The following AUTS2 variants were observed in gnomAD, a reference collection of about 807,000 sequenced individuals.
AUTS2 encodes the protein autism susceptibility gene 2 protein.
A neutral mutation model predicts 112.4 loss-of-function variants in AUTS2; 17 were observed. That is an observed-to-expected ratio of 0.15 (90% CI 0.10 to 0.23). AUTS2 has a LOEUF of 0.23. AUTS2 is among the 10% of genes least tolerant of loss of function. AUTS2 has a pLI of 1.00. For missense variants in AUTS2, 1,510 were observed against 1,701.6 expected (o/e 0.89, Z 1.98); for synonymous variants, 751 against 702.7 (o/e 1.07, Z -1.09).
chr7:70,457,725 T>C (rs757752285), intron 5 of AUTS2, among the ~76,000 whole-genome samples: 2 of 152,174 alleles, frequency 1.3e-5, no homozygotes, highest in Non-Finnish European at 2.9e-5. Context: ...ATGTGTCCCA[T>C]ACAGAGCCGC....
At chr7:70,589,511 T>G (rs935257451) in intron 5 of AUTS2, among the ~76,000 whole-genome samples, 1 of 152,204 alleles carries the variant, frequency 6.6e-6, no homozygotes. Context: ...GTCAGGAGTT[T>G]GAGACCAGCC....
intron 1 of AUTS2, among the ~76,000 whole-genome samples, chr7:69,674,712 C>T (rs1796480178): frequency 6.6e-6 from 1 of 152,090 alleles, no homozygotes; most frequent in South Asian, 2.1e-4. Context: ...CCGTGGCAGG[C>T]ATAATGAAAT....
intron 1 of AUTS2, among the ~76,000 whole-genome samples, chr7:69,601,662 T>C (rs1315070840): frequency 6.6e-6 from 1 of 152,154 alleles, no homozygotes; most frequent in Non-Finnish European, 1.5e-5. Flanking sequence ...TCTCTGGTTC[T>C]AGAATTGGTG....
intron 5 of AUTS2, among the ~76,000 whole-genome samples, chr7:70,592,045 T>C (rs545247879): frequency 2.0e-5 from 3 of 152,364 alleles, no homozygotes; most frequent in Middle Eastern, 3.4e-3. Context: ...AATAGTAGTC[T>C]ATAAAATTAG....
At chr7:69,690,007 A>G (rs1797256210) in intron 1 of AUTS2, among the ~76,000 whole-genome samples, 1 of 152,072 alleles carries the variant, frequency 6.6e-6, no homozygotes, top group Non-Finnish European at 1.5e-5. Flanking sequence ...CCTTACTTCT[A>G]TTTAAAACAA....
At chr7:69,868,687 A>G (rs1201768364) in intron 1 of AUTS2, among the ~76,000 whole-genome samples, 1 of 152,198 alleles carries the variant, frequency 6.6e-6, no homozygotes, top group African/African-American at 2.4e-5. Context: ...TCTATGAGAG[A>G]ACAGTGATGA....
At chr7:69,995,323 T>C (rs956282777) in intron 2 of AUTS2, among the ~76,000 whole-genome samples, 2 of 152,228 alleles carry the variant, frequency 1.3e-5, no homozygotes, top group African/African-American at 4.8e-5. Flanking sequence ...ATGTCATGAA[T>C]GAATAATAAT....
At chr7:70,011,519 A>T (rs1799807070) in intron 2 of AUTS2, among the ~76,000 whole-genome samples, 1 of 152,208 alleles carries the variant, frequency 6.6e-6, no homozygotes, top group African/African-American at 2.4e-5. Flanking sequence ...CAGAATTACT[A>T]CATGCCAAAT....
At chr7:70,416,739 G>A (rs919304628) in intron 4 of AUTS2, among the ~76,000 whole-genome samples, 12 of 152,132 alleles carry the variant, frequency 7.9e-5, no homozygotes, top group East Asian at 1.9e-4. Flanking sequence ...CTGCGGTCAC[G>A]GTCCACTCCC....
chr7:70,456,923 AG>A (rs1035717482), intron 5 of AUTS2, among the ~76,000 whole-genome samples: 2 of 152,216 alleles, frequency 1.3e-5, no homozygotes, highest in African/African-American at 2.4e-5. Flanking sequence ...GACTTCCTGC[AG>A]TTTGACTTTG....
chr7:70,634,937 G>T (rs1039273874), intron 5 of AUTS2, among the ~76,000 whole-genome samples: 8 of 152,124 alleles, frequency 5.3e-5, no homozygotes, highest in African/African-American at 1.7e-4. Flanking sequence ...ATGGTCCTTG[G>T]TTGCTGGTCT....
chr7:70,180,644 T>C (rs1014107047), intron 4 of AUTS2, among the ~76,000 whole-genome samples: 2 of 152,198 alleles, frequency 1.3e-5, no homozygotes, highest in African/African-American at 4.8e-5. Flanking sequence ...CGCTATTCCT[T>C]GGCTCCTCTT....
At chr7:70,445,496 G>A (rs1453447216) in intron 5 of AUTS2, among the ~76,000 whole-genome samples, 2 of 152,096 alleles carry the variant, frequency 1.3e-5, no homozygotes, top group East Asian at 3.9e-4. Context: ...AACATGGAAC[G>A]AATAAAATTT....
intron 4 of AUTS2, among the ~76,000 whole-genome samples, chr7:70,141,851 T>TGAG (rs1287307266): frequency 6.6e-6 from 1 of 152,142 alleles, no homozygotes; most frequent in African/African-American, 2.4e-5. Flanking sequence ...TAAACTGTGG[T>TGAG]GAGAGACATT....
chr7:69,771,886 G>A (rs994259486), intron 1 of AUTS2, among the ~76,000 whole-genome samples: 1 of 151,704 alleles, frequency 6.6e-6, no homozygotes, highest in Non-Finnish European at 1.5e-5. Flanking sequence ...CTGGGTTCAA[G>A]CAATTCTCCT....
intron 6 of AUTS2, among the ~76,000 whole-genome samples, chr7:70,735,928 T>A (rs1005236496): frequency 6.6e-6 from 1 of 152,064 alleles, no homozygotes; most frequent in East Asian, 1.9e-4. Flanking sequence ...GAAGTTTAGA[T>A]CAGTTGCAAT....
chr7:70,441,420 C>G (rs983115687), intron 5 of AUTS2, among the ~76,000 whole-genome samples: 3 of 152,196 alleles, frequency 2.0e-5, no homozygotes, highest in Non-Finnish European at 4.4e-5. Context: ...GGGTCTCGCT[C>G]TGTTGCCCAG....
intron 4 of AUTS2, among the ~76,000 whole-genome samples, chr7:70,245,144 G>GATA (rs1554346240): frequency 9.2e-6 from 1 of 108,998 alleles, no homozygotes; most frequent in African/African-American, 4.2e-5. Context: ...GTGTGTGTGT[G>GATA]TATATATATA....
chr7:69,743,611 T>C (rs1265699520), intron 1 of AUTS2, among the ~76,000 whole-genome samples: 1 of 152,086 alleles, frequency 6.6e-6, no homozygotes, highest in Non-Finnish European at 1.5e-5. Context: ...CCGTAAAAAT[T>C]CCCTTATCTC....
Sources: gnomAD v4.1 joint callset for allele counts (sites outside exome capture counted in the v4.1 genomes callset) on GRCh38, gnomAD v4.1.1 for gene constraint, MANE v1.5 for transcripts, NCBI Gene and HGNC (gene_info 2026-07-23, HGNC 2026-07-21) for gene names.